The following RORA variants were observed in gnomAD, a reference collection of about 807,000 sequenced individuals.
RORA encodes the protein nuclear receptor ROR-alpha.
RORA carries 7 observed loss-of-function variants against 69.5 expected under a neutral mutation model. The ratio of observed to expected loss-of-function variants is 0.10; its 90% CI spans 0.06 to 0.19. RORA has a LOEUF of 0.19. Ranked by LOEUF, RORA falls within the 10% of genes least tolerant of loss-of-function variation. The pLI, the probability that RORA is intolerant of heterozygous loss-of-function variation, is 1.00. For synonymous variants in RORA, 261 were observed against 240.8 expected, an observed-to-expected ratio of 1.08 and a Z score of -0.78; for missense variants, 457 against 663.0, an observed-to-expected ratio of 0.69 and a Z score of 3.41.
chr15:61,171,385 G>A (rs1442395466), intron 1 of RORA, among the ~76,000 whole-genome samples: 3 of 152,178 alleles, frequency 2.0e-5, no homozygotes, highest in African/African-American at 7.2e-5. Flanking sequence ...AGCCTGCTAA[G>A]CCAGACTGTT....
chr15:60,790,201 C>G (rs75428527), intron 1 of RORA, among the ~76,000 whole-genome samples: 2,823 of 152,354 alleles, frequency 0.019, 95 homozygotes, highest in African/African-American at 0.065. Flanking sequence ...ACCTGACTCA[C>G]TTATTCCATG....
At chr15:60,841,003 G>A (rs2073190487) in intron 1 of RORA, 11 of 747,526 alleles carry the variant, frequency 1.5e-5, no homozygotes, top group Non-Finnish European at 1.8e-5. Context: ...CTCCTTCCTC[G>A]ACAACGATAC....
In RORA at chr15:61,099,887, A is replaced by G. The variant is rs539018058; in HGVS notation, c.166+129166T>C. 4.6e-5 allele frequency among the ~76,000 whole-genome samples: 7 copies of G among 152,346 alleles called. No individual in the cohort carries two copies. In the South Asian group the frequency reaches 1.4e-3, roughly 32 times the overall value. ...TTTGTAGGACACTCCTGGAGTAACT[A>G]TCTAAAGGTCATCTTTCTAGTTAGT... On this transcript the variant is annotated intron_variant, in intron 1 of 10. Coordinates refer to ENST00000335670, the MANE Select transcript of RORA (RefSeq NM_134261.3).
At chr15:60,614,703 C>T (rs2140597171) in intron 2 of RORA, among the ~76,000 whole-genome samples, 1 of 152,246 alleles carries the variant, frequency 6.6e-6, no homozygotes, top group African/African-American at 2.4e-5. Flanking sequence ...CCATCTCTGC[C>T]ACCCACTAGC....
intron 2 of RORA, among the ~76,000 whole-genome samples, chr15:60,597,488 T>C (rs72748739): frequency 0.037 from 4,744 of 127,334 alleles, 181 homozygotes; most frequent in East Asian, 0.11. Context: ...ACCCCATTCC[T>C]ATACCTGGCA....
At chr15:60,983,694 T>C (rs1894113445) in intron 1 of RORA, among the ~76,000 whole-genome samples, 1 of 152,212 alleles carries the variant, frequency 6.6e-6, no homozygotes, top group Non-Finnish European at 1.5e-5. Flanking sequence ...AGAAAATCTT[T>C]GAATCCACCC....
At chr15:60,585,198 C>T (rs1336685488) in intron 2 of RORA, among the ~76,000 whole-genome samples, 1 of 152,206 alleles carries the variant, frequency 6.6e-6, no homozygotes, top group Admixed American at 6.5e-5. Flanking sequence ...ATTCATTCCT[C>T]AGATTCCGAC....
chr15:61,045,224 C>T (rs969888564), intron 1 of RORA, among the ~76,000 whole-genome samples: 3 of 152,136 alleles, frequency 2.0e-5, no homozygotes, highest in Admixed American at 6.5e-5. Context: ...GAATAAGTCT[C>T]ACCAGATCTG....
intron 1 of RORA, among the ~76,000 whole-genome samples, chr15:60,837,967 T>C (rs1283563697): frequency 6.6e-6 from 1 of 152,088 alleles, no homozygotes; most frequent in African/African-American, 2.4e-5. Flanking sequence ...AGAAAACGTC[T>C]GAAAATACTT....
intron 2 of RORA, among the ~76,000 whole-genome samples, chr15:60,609,636 C>T (rs2069037648): frequency 6.6e-6 from 1 of 152,164 alleles, no homozygotes; most frequent in Admixed American, 6.5e-5. Flanking sequence ...ACAGAAGCCG[C>T]CGCATCTCAA....
chr15:60,869,185 A>C (rs1377614284), intron 1 of RORA, among the ~76,000 whole-genome samples: 1 of 152,228 alleles, frequency 6.6e-6, no homozygotes, highest in Non-Finnish European at 1.5e-5. Flanking sequence ...AGTGCAGCCA[A>C]GGTAACCATT....
intron 1 of RORA, among the ~76,000 whole-genome samples, chr15:60,858,742 C>T (rs538759736): frequency 5.7e-5 from 8 of 139,542 alleles, no homozygotes; most frequent in Non-Finnish European, 1.3e-4. Flanking sequence ...CAAAGCAAAA[C>T]CTCAGTTTGG....
chr15:60,546,762 G>T (rs1407713338), intron 2 of RORA, among the ~76,000 whole-genome samples: 1 of 152,180 alleles, frequency 6.6e-6, no homozygotes, highest in African/African-American at 2.4e-5. Flanking sequence ...CTGTGTGACT[G>T]CAGTAAAAGC....
intron 2 of RORA, among the ~76,000 whole-genome samples, chr15:60,646,364 T>C (rs1425948266): frequency 6.6e-6 from 1 of 152,218 alleles, no homozygotes; most frequent in Non-Finnish European, 1.5e-5. Flanking sequence ...TTTCCTCTCC[T>C]GAACTTCTAT....
intron 2 of RORA, among the ~76,000 whole-genome samples, chr15:60,622,018 A>C (rs1033994184): frequency 6.6e-6 from 1 of 152,126 alleles, no homozygotes; most frequent in African/African-American, 2.4e-5. Context: ...GTTGCACTCC[A>C]GCCTGGGCAA....
At chr15:61,134,914 T>C (rs2079222521) in intron 1 of RORA, among the ~76,000 whole-genome samples, 1 of 152,022 alleles carries the variant, frequency 6.6e-6, no homozygotes, top group African/African-American at 2.4e-5. Context: ...ACCACTATCC[T>C]GAGAGATTTC....
chr15:61,202,386 T>G (rs192970117), intron 1 of RORA, among the ~76,000 whole-genome samples: 9 of 152,314 alleles, frequency 5.9e-5, no homozygotes, highest in African/African-American at 2.2e-4. Flanking sequence ...TTCTAGAGGT[T>G]TAAATTCAGT....
chr15:60,577,326 C>A (rs2068053845), intron 2 of RORA, among the ~76,000 whole-genome samples: 1 of 152,132 alleles, frequency 6.6e-6, no homozygotes, highest in African/African-American at 2.4e-5. Context: ...ACTTTTTGGT[C>A]TCTGTATACT....
At chr15:60,802,445 T>C (rs1342428985) in intron 1 of RORA, among the ~76,000 whole-genome samples, 2 of 152,206 alleles carry the variant, frequency 1.3e-5, no homozygotes, top group Non-Finnish European at 2.9e-5. Flanking sequence ...TGGGTGGGAA[T>C]TCTCCTAAAT....
Sources: allele counts gnomAD v4.1 joint callset (sites outside exome capture counted in the v4.1 genomes callset), GRCh38; gene constraint gnomAD v4.1.1; transcripts MANE v1.5; gene names NCBI Gene and HGNC (gene_info 2026-07-23, HGNC 2026-07-21).